The following STK32B variants were observed in gnomAD, a reference collection of about 807,000 sequenced individuals.
STK32B encodes serine/threonine-protein kinase 32B.
In STK32B, 43 loss-of-function variants were observed where a neutral mutation model predicts 52.6. That is an observed-to-expected ratio of 0.82 (90% CI 0.64 to 1.05). The LOEUF (loss-of-function observed/expected upper bound fraction) is 1.05, where lower values mean the gene tolerates loss of function less well. Ranked by LOEUF, STK32B falls within the 50% of genes least tolerant of loss-of-function variation. The pLI is 0.00. For missense variants in STK32B, 621 were observed against 534.6 expected (o/e 1.16, Z -1.59); for synonymous variants, 238 against 204.3 (o/e 1.17, Z -1.41).
intron 3 of STK32B, among the ~76,000 whole-genome samples, chr4:5,283,325 AAG>A (rs76681736): frequency 0.018 from 2,771 of 152,232 alleles, 38 homozygotes; most frequent in East Asian, 0.071. Flanking sequence ...AGGAAAAAAA[AAG>A]AATCAAAAAG....
chr4:5,104,158 G>A (rs1713973169), intron 1 of STK32B, among the ~76,000 whole-genome samples: 1 of 151,830 alleles, frequency 6.6e-6, no homozygotes, highest in Admixed American at 6.5e-5. Flanking sequence ...CACATGTCAT[G>A]GGAGGGGCCA....
intron 4 of STK32B, among the ~76,000 whole-genome samples, chr4:5,390,404 A>G (rs963397887): frequency 2.0e-5 from 3 of 152,234 alleles, no homozygotes; most frequent in African/African-American, 4.8e-5. Flanking sequence ...GGTGAAGTCA[A>G]GGTCCCAGAG....
At chr4:5,482,506 A>G (rs1718798629) in intron 11 of STK32B, among the ~76,000 whole-genome samples, 1 of 152,160 alleles carries the variant, frequency 6.6e-6, no homozygotes, top group Non-Finnish European at 1.5e-5. Flanking sequence ...GAGGTTTTCT[A>G]GATATACAAT....
intron 3 of STK32B, among the ~76,000 whole-genome samples, chr4:5,170,860 T>A (rs1023488372): frequency 3.9e-5 from 6 of 152,218 alleles, no homozygotes; most frequent in African/African-American, 1.4e-4. Flanking sequence ...GTATTTGTAG[T>A]TCTAGATCCC....
chr4:5,126,286 C>T (rs1715359857), intron 1 of STK32B, among the ~76,000 whole-genome samples: 1 of 152,192 alleles, frequency 6.6e-6, no homozygotes. Flanking sequence ...CCCTTCTTGT[C>T]ATTTTTCTTC....
intron 3 of STK32B, among the ~76,000 whole-genome samples, chr4:5,175,386 T>G (rs1191067463): frequency 6.6e-6 from 1 of 152,250 alleles, no homozygotes; most frequent in African/African-American, 2.4e-5. Flanking sequence ...ACTCTGATTT[T>G]TAGAGTTTCC....
At chr4:5,490,193 A>G (rs1347368159) in intron 11 of STK32B, among the ~76,000 whole-genome samples, 1 of 150,056 alleles carries the variant, frequency 6.7e-6, no homozygotes, top group Non-Finnish European at 1.5e-5. Context: ...TGAAACCTCT[A>G]CCTCCCGGGT....
intron 3 of STK32B, among the ~76,000 whole-genome samples, chr4:5,176,308 C>T (rs188482298): frequency 6.6e-6 from 1 of 152,166 alleles, no homozygotes; most frequent in East Asian, 1.9e-4. Context: ...ACCCACTGTT[C>T]TGCACCCACT....
At chr4:5,154,801 A>G (rs1717662403) in intron 2 of STK32B, among the ~76,000 whole-genome samples, 1 of 152,160 alleles carries the variant, frequency 6.6e-6, no homozygotes, top group African/African-American at 2.4e-5. Flanking sequence ...AACATGTGGT[A>G]AAGGCTCAGT....
upstream of STK32B, among the ~76,000 whole-genome samples, chr4:5,049,703 GTTATGATGGC>G (rs1415900917): frequency 6.6e-6 from 1 of 151,840 alleles, no homozygotes; most frequent in East Asian, 2.0e-4. Context: ...GGTCACAGGG[GTTATGATGGC>G]TTAGCTTGGG....
intron 3 of STK32B, among the ~76,000 whole-genome samples, chr4:5,319,364 C>T (rs1411099223): frequency 6.6e-6 from 1 of 152,198 alleles, no homozygotes; most frequent in Non-Finnish European, 1.5e-5. Flanking sequence ...GCTCTCCTGC[C>T]TAAAGCAAAG....
intron 11 of STK32B, among the ~76,000 whole-genome samples, chr4:5,497,720 ACACT>A (rs370234334): frequency 6.6e-6 from 1 of 152,084 alleles, no homozygotes; most frequent in Admixed American, 6.5e-5. Context: ...GCACACACAC[ACACT>A]CATACACACA....
At chr4:5,176,841 G>A (rs1719942960) in intron 3 of STK32B, among the ~76,000 whole-genome samples, 2 of 152,116 alleles carry the variant, frequency 1.3e-5, no homozygotes, top group Non-Finnish European at 2.9e-5. Context: ...GGGTATATAA[G>A]AAAATTATCT....
At chr4:5,297,640 T>G (rs1159816790) in intron 3 of STK32B, among the ~76,000 whole-genome samples, 3 of 118,372 alleles carry the variant, frequency 2.5e-5, no homozygotes, top group East Asian at 2.3e-4. Context: ...TTTATGTTTT[T>G]TTTTTTTTTT....
chr4:5,309,822 C>T (rs1730171269), intron 3 of STK32B, among the ~76,000 whole-genome samples: 1 of 152,204 alleles, frequency 6.6e-6, no homozygotes, highest in Non-Finnish European at 1.5e-5. Flanking sequence ...TTGGTCTGAA[C>T]AACGATTTTT....
rs940583040 is a variant in STK32B at position 5,380,737 on chromosome 4, T to C, written c.435-17470T>C. Among the ~76,000 whole-genome samples, 27 of 152,208 alleles carry C rather than the reference T, an allele frequency of 1.8e-4. No homozygotes were observed. Among genetic ancestry groups the C allele is most frequent in the African/African-American group, 6.3e-4 (26 of 41,470 alleles). The stretch of plus-strand genomic sequence containing the variant: ...TTTGAACAAAGGGCCCTGCATTTTC[T>C]TTTTGCACTGGACTCCACCCATTTT... On this transcript the variant is annotated intron_variant, in intron 4 of 11. Coordinates refer to ENST00000282908, the MANE Select transcript of STK32B (RefSeq NM_018401.3). The surrounding 1 kb of genome is among the most constrained non-coding windows in gnomAD (Gnocchi z 4.3).
At chr4:5,348,458 G>A (rs759003507) in intron 4 of STK32B, among the ~76,000 whole-genome samples, 20 of 152,278 alleles carry the variant, frequency 1.3e-4, no homozygotes, top group Admixed American at 5.2e-4. Flanking sequence ...ACCCATAGCC[G>A]TTGCTTTAGG....
At chr4:5,231,276 A>G (rs144362960) in intron 3 of STK32B, among the ~76,000 whole-genome samples, 13 of 152,276 alleles carry the variant, frequency 8.5e-5, no homozygotes, top group Middle Eastern at 6.8e-3. Context: ...TAGACACTCA[A>G]TAAATATCAT....
In STK32B at chr4:5,116,152, A is replaced by G. The variant is rs74820271; in HGVS notation, c.53-23753A>G. Among the ~76,000 whole-genome samples the G allele has an allele frequency of 3.3e-3, 503 of 151,954 alleles. 2 individuals carry two copies. Among genetic ancestry groups the G allele is most frequent in the African/African-American group, 0.011 (454 of 41,432 alleles). ...ACACTGCTGGTGCATCAGCTGCTCT[A>G]TATGCTCACTCAGATGTGTGTGTGC... On this transcript the variant is annotated intron_variant, in intron 1 of 11. Transcript: ENST00000282908.
Sources: allele counts gnomAD v4.1 joint callset (sites outside exome capture counted in the v4.1 genomes callset), GRCh38; gene constraint gnomAD v4.1.1; non-coding constraint Gnocchi (gnomAD v3.1); transcripts MANE v1.5; gene names NCBI Gene and HGNC (gene_info 2026-07-23, HGNC 2026-07-21).